PDE7B: variants seen among roughly 807,000 people sequenced by gnomAD.
The protein encoded by PDE7B is phosphodiesterase 7B, also known as 3',5'-cyclic-AMP phosphodiesterase 7B.
Under a neutral mutation model 56.2 loss-of-function variants are expected in PDE7B, and 29 were observed. The ratio of observed to expected loss-of-function variants is 0.52; its 90% CI spans 0.38 to 0.70. The LOEUF (loss-of-function observed/expected upper bound fraction) is 0.70. Among genes scored for constraint, PDE7B ranks in the 30% least tolerant of loss-of-function variants. The pLI is 0.00. For missense variants in PDE7B, 490 were observed against 565.0 expected (o/e 0.87, Z 1.35); for synonymous variants, 197 against 196.9 (o/e 1.00, Z 0.00).
chr6:135,945,284 A>G (rs976336080), intron 1 of PDE7B, among the ~76,000 whole-genome samples: 3 of 152,190 alleles, frequency 2.0e-5, no homozygotes, highest in African/African-American at 7.2e-5. Flanking sequence ...TGAAGCATGA[A>G]GAGATTAGGT....
chr6:135,989,946 C>G (rs184000631), intron 2 of PDE7B, among the ~76,000 whole-genome samples: 134 of 152,196 alleles, frequency 8.8e-4, no homozygotes, highest in South Asian at 1.7e-3. Context: ...AGAAAGTTTG[C>G]TTTTATGGAA....
At chr6:136,182,021 G>A (rs1268652778) in intron 11 of PDE7B, among the ~76,000 whole-genome samples, 1 of 152,176 alleles carries the variant, frequency 6.6e-6, no homozygotes, top group East Asian at 1.9e-4. Flanking sequence ...CAGGATGTTT[G>A]TTCAGGCATC....
At chr6:136,062,356 T>C (rs1237696061) in intron 2 of PDE7B, among the ~76,000 whole-genome samples, 1 of 152,190 alleles carries the variant, frequency 6.6e-6, no homozygotes, top group Non-Finnish European at 1.5e-5. Context: ...TACCTTTTTG[T>C]GTTTGTGTGG....
intron 2 of PDE7B, among the ~76,000 whole-genome samples, chr6:136,079,356 G>A (rs750959013): frequency 6.6e-6 from 1 of 152,118 alleles, no homozygotes; most frequent in Non-Finnish European, 1.5e-5. Context: ...TTCAAACTGT[G>A]TTGTTCCATA....
intron 1 of PDE7B, among the ~76,000 whole-genome samples, chr6:135,906,827 T>TTTTTTTTTTTTTTTTTTTTTTTTTTTTG (rs1554265693): frequency 7.5e-6 from 1 of 133,454 alleles, no homozygotes; most frequent in Non-Finnish European, 1.6e-5. Flanking sequence ...TTTTTTTTTT[T>TTTTTTTTTTTTTTTTTTTTTTTTTTTTG]TTTTTTTTTA....
At chr6:135,931,723 G>C (rs555559378) in intron 1 of PDE7B, among the ~76,000 whole-genome samples, 2 of 152,040 alleles carry the variant, frequency 1.3e-5, no homozygotes, top group African/African-American at 4.8e-5. Context: ...ATGATAGCAC[G>C]GTGCACAATA....
At chr6:136,175,212 T>C (rs1285375554) in intron 9 of PDE7B, among the ~76,000 whole-genome samples, 3 of 152,248 alleles carry the variant, frequency 2.0e-5, no homozygotes, top group Admixed American at 6.5e-5. Flanking sequence ...ATAAATTGTT[T>C]TTGCCAGAAG....
chr6:136,102,721 A>T (rs546966413), intron 2 of PDE7B, among the ~76,000 whole-genome samples: 1 of 151,788 alleles, frequency 6.6e-6, no homozygotes, highest in Non-Finnish European at 1.5e-5. Flanking sequence ...CTTTTTTCTC[A>T]TTTTCCCTCT....
At chr6:136,010,261 G>A (rs1184653378) in intron 2 of PDE7B, among the ~76,000 whole-genome samples, 2 of 152,022 alleles carry the variant, frequency 1.3e-5, no homozygotes, top group Non-Finnish European at 2.9e-5. Flanking sequence ...TTATTGCGCT[G>A]TGGTCTGAGA....
chr6:135,953,959 C>T (rs969263291), intron 2 of PDE7B, among the ~76,000 whole-genome samples: 3 of 152,112 alleles, frequency 2.0e-5, no homozygotes, highest in African/African-American at 7.2e-5. Flanking sequence ...TTCATCAATT[C>T]ACTCTCTCTA....
At chr6:136,122,019 G>A (rs1338134959) in intron 3 of PDE7B, among the ~76,000 whole-genome samples, 3 of 150,972 alleles carry the variant, frequency 2.0e-5, no homozygotes, top group Non-Finnish European at 4.4e-5. Context: ...TTTTTGAGAC[G>A]GAGTCTTGCT....
At chr6:135,947,401 T>C in intron 1 of PDE7B, 63 bp from the exon 2 acceptor site, 1 of 1,215,424 alleles carries the variant, frequency 8.2e-7, no homozygotes, top group East Asian at 2.3e-5. Context: ...GTCACATGGA[T>C]ATATTGTCTT....
intron 1 of PDE7B, among the ~76,000 whole-genome samples, chr6:135,937,538 A>G (rs368203942): frequency 3.9e-5 from 6 of 152,190 alleles, no homozygotes; most frequent in African/African-American, 1.4e-4. Context: ...TGCACCTCCA[A>G]CCTTCACTGA....
At chr6:135,913,493 C>A (rs1432750486) in intron 1 of PDE7B, among the ~76,000 whole-genome samples, 2 of 152,174 alleles carry the variant, frequency 1.3e-5, no homozygotes, top group Non-Finnish European at 2.9e-5. Flanking sequence ...GTGCATAACA[C>A]CTATGCCTCC....
chr6:135,916,130 G>GT (rs1773929057), intron 1 of PDE7B, among the ~76,000 whole-genome samples: 1 of 152,186 alleles, frequency 6.6e-6, no homozygotes, highest in African/African-American at 2.4e-5. Flanking sequence ...TCACCAAGCT[G>GT]TTTTTCCCAG....
chr6:136,194,943 T>G lies in PDE7B; in HGVS notation c.*3103T>G, dbSNP rs1562519724. 6.6e-6 allele frequency: 1 copy of G among 152,196 alleles called. No individual in the cohort carries two copies. Among genetic ancestry groups the G allele is most frequent in the African/African-American group, 2.4e-5 (1 of 41,448 alleles). 9.4% of individuals were successfully genotyped at this position (152,196 alleles called of 1,614,324 possible). A position where few individuals can be genotyped will look rare whatever the true frequency, so the allele number is the denominator to read the frequency against. Reference sequence around the variant, plus strand: ...ATTGGATCATCCACAGATTTTTTCTTTACAATCTTGTTCTCCTTGTCCATG... The same window carrying G: ...ATTGGATCATCCACAGATTTTTTCTGTACAATCTTGTTCTCCTTGTCCATG... On this transcript the variant is annotated 3_prime_UTR_variant, in exon 13 of 13. Coordinates refer to ENST00000308191, the MANE Select transcript of PDE7B (RefSeq NM_018945.4).
At chr6:135,859,744 A>C (rs1269210477) in intron 1 of PDE7B, among the ~76,000 whole-genome samples, 1 of 149,812 alleles carries the variant, frequency 6.7e-6, no homozygotes, top group Admixed American at 6.7e-5. Flanking sequence ...GTAGTAATAC[A>C]AAAAAAAAAT....
intron 2 of PDE7B, among the ~76,000 whole-genome samples, chr6:135,983,236 C>A (rs1775324719): frequency 1.3e-5 from 2 of 152,184 alleles, no homozygotes; most frequent in Non-Finnish European, 1.5e-5. Flanking sequence ...GCCACACTGA[C>A]TGACTTGTTG....
At chr6:136,047,867 A>G (rs1004570433) in intron 2 of PDE7B, among the ~76,000 whole-genome samples, 2 of 152,236 alleles carry the variant, frequency 1.3e-5, no homozygotes, top group African/African-American at 2.4e-5. Flanking sequence ...AGAGACAGAT[A>G]CAGAAACAAC....
Sources: allele counts gnomAD v4.1 joint callset (sites outside exome capture counted in the v4.1 genomes callset), GRCh38; gene constraint gnomAD v4.1.1; transcripts MANE v1.5; gene names NCBI Gene and HGNC (gene_info 2026-07-23, HGNC 2026-07-21).